Variants in CCSER1 observed in about 807,000 individuals in gnomAD.
CCSER1 encodes the protein serine-rich coiled-coil domain-containing protein 1.
In CCSER1, 41 loss-of-function variants were observed where a neutral mutation model predicts 82.0. The observed-to-expected ratio is 0.50, with a 90% CI of 0.39 to 0.65. CCSER1 has a LOEUF of 0.65. Ranked by LOEUF, CCSER1 falls within the 30% of genes least tolerant of loss-of-function variation. The pLI, the probability that CCSER1 is intolerant of heterozygous loss-of-function variation, is 0.00. For missense variants in CCSER1, 1,119 were observed against 1,064.2 expected (o/e 1.05, Z -0.72); for synonymous variants, 414 against 383.9 (o/e 1.08, Z -0.92).
chr4:90,460,803 G>C (rs1762800089), intron 4 of CCSER1, among the ~76,000 whole-genome samples: 1 of 152,058 alleles, frequency 6.6e-6, no homozygotes, highest in South Asian at 2.1e-4. Flanking sequence ...TGTATTTTCT[G>C]ATTTTGTAAT....
rs529551222 is a variant in CCSER1, at chr4:91,183,034, G to A, written c.2217+97040G>A. ...CATTAGATATTGCATTAGCAACTAGGTGGTCAGCCTTTTGAATCCCTTTAG... is the reference window on the plus strand; with the variant it reads ...CATTAGATATTGCATTAGCAACTAGATGGTCAGCCTTTTGAATCCCTTTAG... On this transcript the variant is annotated intron_variant, in intron 10 of 10. Transcript: ENST00000509176. 3.9e-5 allele frequency among the ~76,000 whole-genome samples: 6 copies of A among 152,348 alleles called. No homozygotes were observed. In the South Asian group the frequency reaches 1.2e-3, roughly 32 times the overall value.
At chr4:91,332,464 A>C (rs1747022887) in intron 10 of CCSER1, among the ~76,000 whole-genome samples, 2 of 151,920 alleles carry the variant, frequency 1.3e-5, no homozygotes, top group South Asian at 4.1e-4. Context: ...ATAATGGAAA[A>C]TTGTCATTAC....
At chr4:90,843,622 A>G (rs1331769852) in intron 8 of CCSER1, among the ~76,000 whole-genome samples, 2 of 152,200 alleles carry the variant, frequency 1.3e-5, no homozygotes, top group African/African-American at 4.8e-5. Flanking sequence ...CACAACATAA[A>G]CAGAATCATT....
At chr4:90,650,502 C>G (rs549511394) in intron 6 of CCSER1, among the ~76,000 whole-genome samples, 7 of 152,082 alleles carry the variant, frequency 4.6e-5, no homozygotes, top group Non-Finnish European at 1.0e-4. Flanking sequence ...ACAAGTCATT[C>G]TGAAACAACC....
chr4:90,956,435 A>G (rs1420481578), intron 9 of CCSER1, among the ~76,000 whole-genome samples: 17 of 152,192 alleles, frequency 1.1e-4, no homozygotes. Flanking sequence ...TGGCATAGGT[A>G]GGTAAGAAAA....
intron 3 of CCSER1, among the ~76,000 whole-genome samples, chr4:90,376,902 T>C (rs899382566): frequency 3.3e-5 from 5 of 152,152 alleles, no homozygotes; most frequent in African/African-American, 1.2e-4. Context: ...GTAGAGATAA[T>C]GTCTCCTTCC....
chr4:90,701,255 T>G (rs182059933), intron 6 of CCSER1, among the ~76,000 whole-genome samples: 3,119 of 152,234 alleles, frequency 0.02, 42 homozygotes, highest in Non-Finnish European at 0.027. Flanking sequence ...TTTCCCCATT[T>G]CTTGTTTTTG....
intron 10 of CCSER1, among the ~76,000 whole-genome samples, chr4:91,458,035 T>G (rs942065698): frequency 2.0e-4 from 31 of 152,302 alleles, no homozygotes; most frequent in African/African-American, 6.7e-4. Flanking sequence ...GCTTTAGCTT[T>G]AGTAGCCATG....
In CCSER1 at chr4:91,603,911, G is replaced by T. The variant is rs955512139; in HGVS notation, c.*4854G>T. On this transcript the variant is annotated 3_prime_UTR_variant, in exon 11 of 11. Coordinates refer to ENST00000509176, the MANE Select transcript of CCSER1 (RefSeq NM_001145065.2). ...AATAACTACAATAATTTCATCATGG[G>T]GGCCCCACCCTCATAATCTCATCTA... is the stretch of plus-strand genomic sequence containing the variant. The T allele has an allele frequency of 6.6e-6, 1 of 151,772 alleles. No individual in the cohort carries two copies. The highest frequency in any genetic ancestry group is 1.5e-5 in the Non-Finnish European group (1 of 67,934). 9.4% of individuals were successfully genotyped at this position (151,772 alleles called of 1,614,324 possible).
At chr4:91,585,974 A>T (rs1763971485) in intron 10 of CCSER1, among the ~76,000 whole-genome samples, 1 of 151,712 alleles carries the variant, frequency 6.6e-6, no homozygotes, top group Non-Finnish European at 1.5e-5. Flanking sequence ...CATATGTGTG[A>T]AGGCACAAAA....
intron 1 of CCSER1, among the ~76,000 whole-genome samples, chr4:90,208,933 G>A (rs754752890): frequency 1.5e-4 from 23 of 152,128 alleles, no homozygotes; most frequent in Non-Finnish European, 2.2e-4. Context: ...GCTGCAGACC[G>A]GAGCCGTTCG....
chr4:90,703,888 C>G (rs1453587500), intron 6 of CCSER1, among the ~76,000 whole-genome samples: 1 of 152,102 alleles, frequency 6.6e-6, no homozygotes, highest in Non-Finnish European at 1.5e-5. Flanking sequence ...AGATGGGTCT[C>G]CTGAATACAG....
chr4:91,596,009 A>G (rs919807929), intron 10 of CCSER1, among the ~76,000 whole-genome samples: 16 of 151,540 alleles, frequency 1.1e-4, no homozygotes, highest in African/African-American at 3.9e-4. Context: ...AAACTATGCT[A>G]AATAAACATA....
intron 10 of CCSER1, among the ~76,000 whole-genome samples, chr4:91,577,254 C>T (rs1249809911): frequency 6.6e-6 from 1 of 151,750 alleles, no homozygotes. Context: ...GTTATTGTGT[C>T]TATGCTAAGC....
Position 91,447,237 on chromosome 4 carries a change from G to A in CCSER1, c.2218-151335G>A, listed in dbSNP as rs561233470. ...TGCAGTGCCAGAGGTTGTCTGCTTC[G>A]TGTCATAGAACATAATGCCTTTTCT... On this transcript the variant is annotated intron_variant, in intron 10 of 10. Transcript: ENST00000509176. Among the ~76,000 whole-genome samples the A allele has an allele frequency of 1.2e-4, 19 of 152,152 alleles. No homozygotes were observed. In the East Asian group the frequency reaches 2.1e-3, roughly 17 times the overall value.
Position 91,104,886 on chromosome 4 carries a change from A to G in CCSER1, c.2217+18892A>G, listed in dbSNP as rs528319615. The stretch of plus-strand genomic sequence containing the variant: ...TCAGATAGGATTAGAGCCCAGCCTA[A>G]CAGCCTCATTTTATTTTTCTTTTTG... On this transcript the variant is annotated intron_variant, in intron 10 of 10. Transcript: ENST00000509176. 8.5e-4 allele frequency among the ~76,000 whole-genome samples: 129 copies of G among 152,206 alleles called. 2 individuals are homozygous for G. The highest frequency in any genetic ancestry group is 3.0e-3 in the African/African-American group (123 of 41,538).
intron 10 of CCSER1, among the ~76,000 whole-genome samples, chr4:91,471,899 G>A (rs1261961192): frequency 6.8e-6 from 1 of 147,590 alleles, no homozygotes; most frequent in East Asian, 2.0e-4. Flanking sequence ...GAACCCGGGA[G>A]GCAGAGCTTG....
chr4:90,753,455 GA>G (rs1322775800), intron 7 of CCSER1, among the ~76,000 whole-genome samples: 1 of 151,936 alleles, frequency 6.6e-6, no homozygotes, highest in Non-Finnish European at 1.5e-5. Flanking sequence ...AGAGAGAGAG[GA>G]AAAAGAATAG....
chr4:90,278,910 A>T (rs28612327), intron 1 of CCSER1, among the ~76,000 whole-genome samples: 8,333 of 152,160 alleles, frequency 0.055, 611 homozygotes, highest in African/African-American at 0.17. Flanking sequence ...TGTTGGCAAA[A>T]CATTGTCTAA....
Sources: gnomAD v4.1 joint callset for allele counts (sites outside exome capture counted in the v4.1 genomes callset) on GRCh38, gnomAD v4.1.1 for gene constraint, MANE v1.5 for transcripts, NCBI Gene and HGNC (gene_info 2026-07-23, HGNC 2026-07-21) for gene names.